KIAA0232: variants seen among roughly 807,000 people sequenced by gnomAD.
The protein encoded by KIAA0232 is uncharacterized protein KIAA0232.
Under a neutral mutation model 122.0 loss-of-function variants are expected in KIAA0232, and 27 were observed. That is an observed-to-expected ratio of 0.22 (90% confidence interval 0.16 to 0.31). KIAA0232 has a LOEUF of 0.31. KIAA0232 is among the 10% of genes least tolerant of loss of function. The pLI is 1.00. For missense variants in KIAA0232, 1,551 were observed against 1,634.2 expected, an observed-to-expected ratio of 0.95 and a Z score of 0.88; for synonymous variants, 613 against 587.6, an observed-to-expected ratio of 1.04 and a Z score of -0.63.
At chr4:6,788,064 G>C (rs570531446) in intron 1 of KIAA0232, among the ~76,000 whole-genome samples, 4 of 152,068 alleles carry the variant, frequency 2.6e-5, no homozygotes, top group Non-Finnish European at 5.9e-5. Flanking sequence ...TTTGAGACAG[G>C]GTCTTACTCT....
At chr4:6,821,287 G>A (rs1340591590) in intron 2 of KIAA0232, among the ~76,000 whole-genome samples, 3 of 152,086 alleles carry the variant, frequency 2.0e-5, no homozygotes, top group East Asian at 1.9e-4. Context: ...AAGTCCTTTA[G>A]TGGTGATTTC....
At chr4:6,864,374 A>T (rs1721052531) in intron 7 of KIAA0232, among the ~76,000 whole-genome samples, 191 bp downstream of exon 7, 1 of 152,246 alleles carries the variant, frequency 6.6e-6, no homozygotes, top group African/African-American at 2.4e-5. Flanking sequence ...TGAACTAGAC[A>T]GTAGAGTTTT....
chr4:6,847,506 A>G (rs1720029614), intron 4 of KIAA0232, among the ~76,000 whole-genome samples: 1 of 152,178 alleles, frequency 6.6e-6, no homozygotes, highest in Non-Finnish European at 1.5e-5. Context: ...TCCCTGTGTA[A>G]AAGTTGGCAG....
chr4:6,854,466 G>A (rs531208484), intron 4 of KIAA0232, among the ~76,000 whole-genome samples: 3 of 152,272 alleles, frequency 2.0e-5, no homozygotes, highest in South Asian at 2.1e-4. Flanking sequence ...GACAGGGGTC[G>A]TCATAACCAT....
At chr4:6,834,126 C>T (rs917965459) in intron 3 of KIAA0232, among the ~76,000 whole-genome samples, 3 of 152,126 alleles carry the variant, frequency 2.0e-5, no homozygotes, top group Non-Finnish European at 2.9e-5. Context: ...TAGGGTCTTG[C>T]TTTCGCCCAG....
rs189634187 is a variant in KIAA0232, at chr4:6,883,554, G to T, written c.*2588G>T. 3 of 152,248 alleles carry T rather than the reference G, an allele frequency of 2.0e-5. No homozygotes were observed. The highest frequency in any genetic ancestry group is 4.4e-5 in the Non-Finnish European group (3 of 68,014). 9.4% of individuals were successfully genotyped at this position (152,248 alleles called of 1,614,324 possible). ...GCTTTGCTAGGGAAGAAAGTGGTGT[G>T]GCCTGCTGAGAAATCAGCGGCTCCT... On this transcript the variant is annotated 3_prime_UTR_variant, in exon 10 of 10. Coordinates refer to ENST00000307659, the MANE Select transcript of KIAA0232 (RefSeq NM_014743.3).
intron 1 of KIAA0232, among the ~76,000 whole-genome samples, chr4:6,803,954 G>A (rs1244397782): frequency 1.3e-5 from 2 of 152,332 alleles, no homozygotes; most frequent in Non-Finnish European, 2.9e-5. Flanking sequence ...AATCCAAGAT[G>A]TATCACCTTT....
intron 3 of KIAA0232, among the ~76,000 whole-genome samples, chr4:6,838,156 C>G (rs1474356085): frequency 6.6e-6 from 1 of 151,642 alleles, no homozygotes; most frequent in Non-Finnish European, 1.5e-5. Flanking sequence ...AAGATCTTAC[C>G]CGAACTAGTA....
At chr4:6,870,828 T>TA (rs1324555140) in intron 7 of KIAA0232, among the ~76,000 whole-genome samples, 1 of 151,782 alleles carries the variant, frequency 6.6e-6, no homozygotes, top group Non-Finnish European at 1.5e-5. Context: ...GGAAGTTTCT[T>TA]TGATTCCATT....
intron 9 of KIAA0232, among the ~76,000 whole-genome samples, chr4:6,879,600 G>A (rs1721945206): frequency 6.6e-6 from 1 of 152,218 alleles, no homozygotes; most frequent in South Asian, 2.1e-4. Flanking sequence ...AATGAGGTGG[G>A]AGTGCTGCTA....
At chr4:6,798,970 C>G (rs560338291) in intron 1 of KIAA0232, among the ~76,000 whole-genome samples, 93 of 152,258 alleles carry the variant, frequency 6.1e-4, no homozygotes, top group Middle Eastern at 6.8e-3. Flanking sequence ...CAAAGTACCC[C>G]AAACTTTGAT....
At chr4:6,837,267 C>T (rs1368979326) in intron 3 of KIAA0232, among the ~76,000 whole-genome samples, 8 of 151,966 alleles carry the variant, frequency 5.3e-5, no homozygotes, top group Non-Finnish European at 8.8e-5. Flanking sequence ...CCTCACCTCC[C>T]AGACGGGTTG....
In KIAA0232 at chr4:6,824,608, T is replaced by C. The variant is rs2109034803; in HGVS notation, c.155T>C (p.Ile52Thr). The change falls in exon 3 of 10, where the codon ATT (isoleucine) becomes ACT (threonine). Residue 52 changes from isoleucine (I) to threonine (T), a missense_variant. Coordinates refer to ENST00000307659, the MANE Select transcript of KIAA0232 (RefSeq NM_014743.3). ...GGACAAGAGCTCGAGAAATGTGGCATTGATGCCATGATTTACACTCGGTAT... is the reference window on the plus strand; with the variant it reads ...GGACAAGAGCTCGAGAAATGTGGCACTGATGCCATGATTTACACTCGGTAT... Reference protein sequence around the residue: ...WLGQELEKCGIDAMIYTRYVL... With the variant: ...WLGQELEKCGTDAMIYTRYVL... 6.2e-7 allele frequency: 1 copy of C among 1,614,228 alleles called. No homozygotes were observed. The highest frequency in any genetic ancestry group is 8.5e-7 in the Non-Finnish European group (1 of 1,180,030).
chr4:6,851,910 A>C (rs16839370), intron 4 of KIAA0232, among the ~76,000 whole-genome samples: 3,522 of 152,280 alleles, frequency 0.023, 141 homozygotes, highest in African/African-American at 0.081. Flanking sequence ...TCGTAAGTCC[A>C]GATCATGTTC....
intron 2 of KIAA0232, among the ~76,000 whole-genome samples, chr4:6,815,657 T>C (rs1718085974): frequency 6.6e-6 from 1 of 152,244 alleles, no homozygotes; most frequent in African/African-American, 2.4e-5. Context: ...TAGAGTAGTC[T>C]GAAGCTACTT....
At chr4:6,870,361 T>C (rs1721408699) in intron 7 of KIAA0232, among the ~76,000 whole-genome samples, 1 of 152,196 alleles carries the variant, frequency 6.6e-6, no homozygotes, top group Non-Finnish European at 1.5e-5. Flanking sequence ...CAGGAATCAT[T>C]CTCTCATCTC....
intron 7 of KIAA0232, among the ~76,000 whole-genome samples, chr4:6,866,717 A>G (rs1460335879): frequency 6.6e-6 from 1 of 152,222 alleles, no homozygotes; most frequent in Non-Finnish European, 1.5e-5. Context: ...GCATGAAAAT[A>G]ATATGATTAT....
intron 1 of KIAA0232, among the ~76,000 whole-genome samples, chr4:6,799,169 A>T (rs950510396): frequency 6.6e-6 from 1 of 151,690 alleles, no homozygotes; most frequent in Non-Finnish European, 1.5e-5. Flanking sequence ...ACATTACTGC[A>T]GTCTCCGCAT....
chr4:6,879,875 CAGGTCTGCAGTGTCCCCTCA>C (rs1721972135), intron 9 of KIAA0232, among the ~76,000 whole-genome samples: 3 of 116,912 alleles, frequency 2.6e-5, no homozygotes, highest in South Asian at 2.9e-4. Context: ...TCCCAACACA[CAGGTCTGCAGTGTCCCCTCA>C]CCATCTGTAC....
Sources: allele counts gnomAD v4.1 joint callset (sites outside exome capture counted in the v4.1 genomes callset), GRCh38; gene constraint gnomAD v4.1.1; transcripts MANE v1.5; gene names NCBI Gene and HGNC (gene_info 2026-07-23, HGNC 2026-07-21).